The following PRKCE variants were observed in gnomAD, a reference collection of about 807,000 sequenced individuals.
PRKCE encodes the protein protein kinase C epsilon, also known as protein kinase C epsilon type.
Under a neutral mutation model 85.4 loss-of-function variants are expected in PRKCE, and 16 were observed. The ratio of observed to expected loss-of-function variants is 0.19; its 90% CI spans 0.13 to 0.28. The LOEUF is 0.28. PRKCE is among the 10% of genes least tolerant of loss of function. PRKCE has a pLI of 1.00. For synonymous variants in PRKCE, 388 were observed against 371.5 expected (o/e 1.04, Z -0.51); for missense variants, 573 against 975.2 (o/e 0.59, Z 5.49).
At chr2:46,052,368 G>A (rs1310148045) in intron 10 of PRKCE, among the ~76,000 whole-genome samples, 1 of 152,092 alleles carries the variant, frequency 6.6e-6, no homozygotes, top group East Asian at 1.9e-4. Flanking sequence ...GAATCCAAAG[G>A]CAAAATTAAG....
Position 45,853,028 on chromosome 2 carries a change from A to T in PRKCE, c.412+9965A>T, listed in dbSNP as rs186046346. On this transcript the variant is annotated intron_variant, in intron 2 of 14. Coordinates refer to ENST00000306156, the MANE Select transcript of PRKCE (RefSeq NM_005400.3). ...GATATTCCGCCTCTGAACCATGCTG[A>T]GCAGGCACCAGTTCCTACTTGATGG... 3.9e-5 allele frequency among the ~76,000 whole-genome samples: 6 copies of T among 152,306 alleles called. No homozygotes were observed. The East Asian group carries it at 1.2e-3, about 29-fold the overall frequency.
intron 1 of PRKCE, among the ~76,000 whole-genome samples, chr2:45,712,013 G>A (rs187461066): frequency 5.2e-4 from 79 of 152,184 alleles, no homozygotes; most frequent in African/African-American, 1.8e-3. Context: ...GTTATGTGAC[G>A]GGGGCAGATC....
intron 1 of PRKCE, among the ~76,000 whole-genome samples, chr2:45,744,552 TCC>T (rs1176451353): frequency 2.4e-4 from 24 of 101,208 alleles, no homozygotes; most frequent in South Asian, 4.1e-4. Context: ...CTTTCTTTCT[TCC>T]TTCCTTCCTT....
At chr2:45,893,012 C>T (rs1481238036) in intron 2 of PRKCE, among the ~76,000 whole-genome samples, 3 of 152,098 alleles carry the variant, frequency 2.0e-5, no homozygotes, top group Non-Finnish European at 4.4e-5. Context: ...TGCCTCATTC[C>T]GCTGCACAGA....
rs1221254886 is a variant in PRKCE, at chr2:46,138,040, C to T, written c.1593-7053C>T. 6.6e-6 allele frequency among the ~76,000 whole-genome samples: 1 copy of T among 152,174 alleles called. No individual in the cohort carries two copies. Among genetic ancestry groups the T allele is most frequent in the Non-Finnish European group, 1.5e-5 (1 of 68,032 alleles). On this transcript the variant is annotated intron_variant, in intron 11 of 14. Transcript: ENST00000306156. The surrounding 1 kb of genome is among the most constrained non-coding windows in gnomAD (Gnocchi z 4.2). ...TTTTGTTTTTCCCCTGAGACTATTA[C>T]TGCTAGGACTTATTTCTTTCCTGCT...
intron 2 of PRKCE, among the ~76,000 whole-genome samples, chr2:45,918,399 TTTAG>T (rs1452406762): frequency 3.3e-5 from 5 of 152,368 alleles, no homozygotes; most frequent in East Asian, 1.9e-4. Flanking sequence ...CTCATTTATT[TTTAG>T]TTAAACTCTG....
At chr2:45,982,191 T>TC (rs1702944045) in intron 5 of PRKCE, among the ~76,000 whole-genome samples, 1 of 151,608 alleles carries the variant, frequency 6.6e-6, no homozygotes, top group Admixed American at 6.6e-5. Flanking sequence ...TCCCTTAGTG[T>TC]CAGTGTATCT....
At chr2:46,102,399 A>G (rs1671328403) in intron 11 of PRKCE, among the ~76,000 whole-genome samples, 16 of 152,190 alleles carry the variant, frequency 1.1e-4, no homozygotes, top group Admixed American at 9.8e-4. Flanking sequence ...ATTTAAATAA[A>G]CTTTTTGTTT....
intron 11 of PRKCE, among the ~76,000 whole-genome samples, chr2:46,089,965 A>T (rs1868273): frequency 0.64 from 97,727 of 151,878 alleles, 32,493 homozygotes; most frequent in Non-Finnish European, 0.74. Flanking sequence ...TGGTTCCCAG[A>T]TTGCATCCAA....
intron 1 of PRKCE, among the ~76,000 whole-genome samples, chr2:45,741,055 G>T (rs970901764): frequency 2.6e-5 from 4 of 152,076 alleles, no homozygotes; most frequent in African/African-American, 7.2e-5. Context: ...AATTAAAAAG[G>T]TTGCTCACCA....
intron 1 of PRKCE, among the ~76,000 whole-genome samples, chr2:45,756,863 C>G (rs1684046594): frequency 6.6e-6 from 1 of 152,108 alleles, no homozygotes; most frequent in African/African-American, 2.4e-5. Flanking sequence ...TATGAGGAAA[C>G]TTTGTGGGCT....
At chr2:45,951,363 C>A (rs1700607838) in intron 2 of PRKCE, among the ~76,000 whole-genome samples, 1 of 152,230 alleles carries the variant, frequency 6.6e-6, no homozygotes, top group Non-Finnish European at 1.5e-5. Context: ...TGTTTCCAGT[C>A]AGTCATGCCA....
chr2:46,073,194 A>G (rs1180808222), intron 10 of PRKCE, among the ~76,000 whole-genome samples: 1 of 152,206 alleles, frequency 6.6e-6, no homozygotes, highest in Non-Finnish European at 1.5e-5. Context: ...AGCATCCCCC[A>G]GGTTGGAAGG....
intron 9 of PRKCE, 58 bp downstream of exon 9, chr2:46,007,719 G>T: frequency 4.6e-6 from 7 of 1,532,512 alleles, no homozygotes; most frequent in Non-Finnish European, 6.2e-6. Context: ...GCATTGTTTC[G>T]TCTGTTTGAT....
At chr2:45,856,834 T>G (rs146242356) in intron 2 of PRKCE, among the ~76,000 whole-genome samples, 17 of 152,366 alleles carry the variant, frequency 1.1e-4, no homozygotes, top group African/African-American at 4.1e-4. Flanking sequence ...CTTATTTCAC[T>G]TAACATAATG....
At chr2:45,956,257 C>CT (rs1222528793) in intron 2 of PRKCE, among the ~76,000 whole-genome samples, 2 of 152,138 alleles carry the variant, frequency 1.3e-5, no homozygotes, top group African/African-American at 4.8e-5. Flanking sequence ...GTTTTTGGTG[C>CT]TTATAAATAA....
At chr2:45,677,928 T>C (rs1390408693) in intron 1 of PRKCE, 2 of 979,994 alleles carry the variant, frequency 2.0e-6, no homozygotes, top group Non-Finnish European at 2.4e-6. Flanking sequence ...TAGGAGCATA[T>C]CAGTAGCTTT....
chr2:46,009,505 T>C (rs1325718939), intron 9 of PRKCE, among the ~76,000 whole-genome samples: 1 of 152,254 alleles, frequency 6.6e-6, no homozygotes, highest in African/African-American at 2.4e-5. Context: ...GCAAAAATAC[T>C]TTTTAAGTGA....
intron 2 of PRKCE, among the ~76,000 whole-genome samples, chr2:45,922,075 A>G (rs905810717): frequency 1.3e-5 from 2 of 152,034 alleles, no homozygotes; most frequent in Admixed American, 6.6e-5. Flanking sequence ...CTATGGGACT[A>G]TTTTCTTAAG....
Sources: allele counts gnomAD v4.1 joint callset (sites outside exome capture counted in the v4.1 genomes callset), GRCh38; gene constraint gnomAD v4.1.1; non-coding constraint Gnocchi (gnomAD v3.1); transcripts MANE v1.5; gene names NCBI Gene and HGNC (gene_info 2026-07-23, HGNC 2026-07-21).